TSNARE1: variants seen among roughly 807,000 people sequenced by gnomAD.
The protein encoded by TSNARE1 is t-SNARE domain containing 1.
In TSNARE1, 49 loss-of-function variants were observed where a neutral mutation model predicts 62.0. The observed-to-expected ratio is 0.79, with a 90% CI of 0.63 to 1.00. The LOEUF is 1.00. Ranked by LOEUF, TSNARE1 falls within the 50% of genes least tolerant of loss-of-function variation. The pLI is 0.00. For missense variants in TSNARE1, 755 were observed against 700.1 expected (o/e 1.08, Z -0.88); for synonymous variants, 328 against 294.4 (o/e 1.11, Z -1.17).
chr8:142,364,259 C>T (rs1835374849), intron 1 of TSNARE1, among the ~76,000 whole-genome samples: 1 of 152,156 alleles, frequency 6.6e-6, no homozygotes. Context: ...AGCATGTCCT[C>T]GTCATCCTAC....
intron 1 of TSNARE1, among the ~76,000 whole-genome samples, chr8:142,363,056 A>C (rs1395569921): frequency 1.3e-5 from 2 of 152,120 alleles, no homozygotes; most frequent in Non-Finnish European, 2.9e-5. Flanking sequence ...CACAGCCACC[A>C]TGCTACACTC....
At chr8:142,228,175 C>T (rs751074750) in intron 13 of TSNARE1, among the ~76,000 whole-genome samples, 25 of 152,240 alleles carry the variant, frequency 1.6e-4, no homozygotes, top group Non-Finnish European at 3.4e-4. Flanking sequence ...AGACCCAGAG[C>T]CAGAGCCACC....
chr8:142,219,772 C>G (rs570716070), intron 13 of TSNARE1, among the ~76,000 whole-genome samples: 34 of 152,234 alleles, frequency 2.2e-4, no homozygotes, highest in Admixed American at 5.9e-4. Flanking sequence ...CCCTTCCCCC[C>G]TGCCCCTCCA....
chr8:142,391,037 G>T (rs1361875684), intron 1 of TSNARE1, among the ~76,000 whole-genome samples: 95 of 119,970 alleles, frequency 7.9e-4, no homozygotes, highest in South Asian at 1.5e-3. Flanking sequence ...TGTACACTGC[G>T]GGGGACTCTG....
chr8:142,248,462 A>T (rs987304452), intron 12 of TSNARE1, among the ~76,000 whole-genome samples: 16 of 152,046 alleles, frequency 1.1e-4, no homozygotes, highest in African/African-American at 3.6e-4. Context: ...TCTCTCTCAG[A>T]CTCATAAAGA....
chr8:142,245,681 C>T (rs1302843997), intron 12 of TSNARE1, among the ~76,000 whole-genome samples: 1 of 152,068 alleles, frequency 6.6e-6, no homozygotes, highest in Non-Finnish European at 1.5e-5. Flanking sequence ...AAGACAAAAC[C>T]ATTTAAAACT....
chr8:142,361,165 C>T (rs556738568), intron 1 of TSNARE1, among the ~76,000 whole-genome samples: 167 of 152,372 alleles, frequency 1.1e-3, no homozygotes, highest in African/African-American at 3.9e-3. Flanking sequence ...TTCGGGCACG[C>T]GTTCTCTGTA....
chr8:142,340,850 A>T (rs1432949798), intron 4 of TSNARE1, among the ~76,000 whole-genome samples: 3 of 152,238 alleles, frequency 2.0e-5, no homozygotes, highest in Admixed American at 2.0e-4. Flanking sequence ...CACCCCACGG[A>T]TGACACCACG....
At chr8:142,367,478 G>A (rs1316538012) in intron 1 of TSNARE1, among the ~76,000 whole-genome samples, 4 of 134,306 alleles carry the variant, frequency 3.0e-5, no homozygotes, top group Non-Finnish European at 4.6e-5. Flanking sequence ...TCCGCAAGAC[G>A]CAAATCTACA....
chr8:142,296,698 C>G (rs1473035319), intron 10 of TSNARE1, among the ~76,000 whole-genome samples: 1 of 151,902 alleles, frequency 6.6e-6, no homozygotes, highest in Admixed American at 6.6e-5. Flanking sequence ...GAGGGCCTCC[C>G]TGAGGAGGGC....
At chr8:142,273,171 C>T (rs1215463815) in intron 12 of TSNARE1, 1 of 985,268 alleles carries the variant, frequency 1.0e-6, no homozygotes, top group Non-Finnish European at 1.2e-6. Context: ...GTTGCCACTG[C>T]CCTCCTTTCC....
chr8:142,310,566 C>T (rs998911731), intron 9 of TSNARE1, among the ~76,000 whole-genome samples: 6 of 152,196 alleles, frequency 3.9e-5, no homozygotes, highest in Non-Finnish European at 7.3e-5. Flanking sequence ...ACTGTTTTCA[C>T]TTCACCTTTA....
intron 9 of TSNARE1, among the ~76,000 whole-genome samples, chr8:142,310,685 A>C (rs1827430251): frequency 6.6e-6 from 1 of 152,198 alleles, no homozygotes; most frequent in Non-Finnish European, 1.5e-5. Context: ...TCTTCTAAGA[A>C]AGTCAGGTGT....
chr8:142,352,100 C>A (rs1321965729), intron 2 of TSNARE1, among the ~76,000 whole-genome samples: 1 of 152,248 alleles, frequency 6.6e-6, no homozygotes, highest in Non-Finnish European at 1.5e-5. Flanking sequence ...TCCCAGCAGG[C>A]CTCCCAGTGA....
At chr8:142,357,368 G>C (rs1419983339) in intron 1 of TSNARE1, among the ~76,000 whole-genome samples, 1 of 152,240 alleles carries the variant, frequency 6.6e-6, no homozygotes, top group Non-Finnish European at 1.5e-5. Context: ...AGGGGGCTCT[G>C]AGCACAGGGC....
At chr8:142,310,726 T>G (rs1056900846) in intron 9 of TSNARE1, among the ~76,000 whole-genome samples, 4 of 152,214 alleles carry the variant, frequency 2.6e-5, no homozygotes, top group African/African-American at 9.7e-5. Flanking sequence ...TCATGTGACT[T>G]TTTTCTCTGA....
chr8:142,354,806 G>T, intron 1 of TSNARE1, 43 bp from the exon 2 acceptor site: 2 of 1,189,860 alleles, frequency 1.7e-6, no homozygotes, highest in Non-Finnish European at 2.5e-6. Context: ...GGGAAGACAT[G>T]GGGATTAAAG....
intron 10 of TSNARE1, among the ~76,000 whole-genome samples, chr8:142,290,150 T>C (rs1327023247): frequency 2.0e-5 from 3 of 152,116 alleles, no homozygotes; most frequent in Admixed American, 2.0e-4. Flanking sequence ...GGGAGCCTAG[T>C]TCCAGGCAGA....
At chr8:142,362,552 G>A (rs1835242907) in intron 1 of TSNARE1, among the ~76,000 whole-genome samples, 1 of 152,130 alleles carries the variant, frequency 6.6e-6, no homozygotes, top group South Asian at 2.1e-4. Context: ...AAGACAGAGG[G>A]GCCTCCGGTG....
Sources: gnomAD v4.1 joint callset for allele counts (sites outside exome capture counted in the v4.1 genomes callset) on GRCh38, gnomAD v4.1.1 for gene constraint, MANE v1.5 for transcripts, NCBI Gene and HGNC (gene_info 2026-07-23, HGNC 2026-07-21) for gene names.